Variants in MACROD2 observed in about 807,000 individuals in gnomAD.
MACROD2 encodes the protein ADP-ribose glycohydrolase MACROD2.
Under a neutral mutation model 70.4 loss-of-function variants are expected in MACROD2, and 36 were observed. The observed-to-expected ratio is 0.51, with a 90% CI of 0.39 to 0.68. The LOEUF (loss-of-function observed/expected upper bound fraction) is 0.68, where lower values mean the gene tolerates loss of function less well. MACROD2 is among the 30% of genes least tolerant of loss of function. The pLI is 0.00. For synonymous variants in MACROD2, 172 were observed against 178.8 expected (o/e 0.96, Z 0.30); for missense variants, 496 against 538.4 (o/e 0.92, Z 0.78).
chr20:15,397,501 A>G (rs1012139439), intron 6 of MACROD2, among the ~76,000 whole-genome samples: 3 of 152,036 alleles, frequency 2.0e-5, no homozygotes, highest in Admixed American at 6.6e-5. Flanking sequence ...GTTTTCACCA[A>G]GTTGCTCAGG....
intron 3 of MACROD2, among the ~76,000 whole-genome samples, chr20:14,274,895 C>T (rs1440976160): frequency 6.6e-6 from 1 of 150,888 alleles, no homozygotes; most frequent in Non-Finnish European, 1.5e-5. Context: ...CTCCCATTCA[C>T]AATTGCTTCA....
intron 2 of MACROD2, among the ~76,000 whole-genome samples, chr20:14,040,951 G>C (rs1233966886): frequency 6.6e-6 from 1 of 152,174 alleles, no homozygotes; most frequent in Admixed American, 6.5e-5. Context: ...AGAAAGTTAA[G>C]TTAGAAGGAG....
chr20:15,354,488 C>T (rs1174484892), intron 6 of MACROD2, among the ~76,000 whole-genome samples: 1 of 152,138 alleles, frequency 6.6e-6, no homozygotes, highest in Admixed American at 6.5e-5. Context: ...TACCCTAAAA[C>T]TTAAAGTATA....
intron 4 of MACROD2, among the ~76,000 whole-genome samples, chr20:14,616,946 A>T (rs1353939177): frequency 3.3e-5 from 5 of 152,144 alleles, no homozygotes; most frequent in Admixed American, 2.6e-4. Context: ...CCTTGGGAGA[A>T]AGTAATTGAA....
chr20:14,595,206 G>GC (rs1982042590), intron 4 of MACROD2, among the ~76,000 whole-genome samples: 1 of 152,122 alleles, frequency 6.6e-6, no homozygotes. Flanking sequence ...TCAGCTAAAA[G>GC]CCCGGGGGTC....
At chr20:14,781,574 A>G (rs932551286) in intron 5 of MACROD2, among the ~76,000 whole-genome samples, 22 of 150,910 alleles carry the variant, frequency 1.5e-4, no homozygotes, top group Non-Finnish European at 2.5e-4. Flanking sequence ...GGAAAGTGGT[A>G]CTTCAGTTAT....
At chr20:15,216,892 A>G (rs1033003334) in intron 5 of MACROD2, among the ~76,000 whole-genome samples, 3 of 152,296 alleles carry the variant, frequency 2.0e-5, no homozygotes, top group Admixed American at 2.0e-4. Context: ...TGTTTGACAC[A>G]CTATGTATTT....
chr20:14,516,240 T>C (rs1406688301), intron 4 of MACROD2, among the ~76,000 whole-genome samples: 2 of 151,938 alleles, frequency 1.3e-5, no homozygotes, highest in Non-Finnish European at 2.9e-5. Flanking sequence ...CAACATTTAA[T>C]TTTTAAAAAT....
chr20:14,507,056 G>A (rs1040026369), intron 4 of MACROD2, among the ~76,000 whole-genome samples: 1 of 152,164 alleles, frequency 6.6e-6, no homozygotes, highest in Non-Finnish European at 1.5e-5. Context: ...TCTGTGACTA[G>A]TATTCAGAGA....
intron 5 of MACROD2, among the ~76,000 whole-genome samples, chr20:15,102,974 T>C (rs2075884538): frequency 6.6e-6 from 1 of 152,104 alleles, no homozygotes; most frequent in Non-Finnish European, 1.5e-5. Context: ...TATAAAATGT[T>C]TAAAACATAC....
intron 3 of MACROD2, among the ~76,000 whole-genome samples, chr20:14,373,721 A>G (rs1600173298): frequency 1.3e-5 from 2 of 152,308 alleles, no homozygotes; most frequent in South Asian, 2.1e-4. Flanking sequence ...CACAGTTTCT[A>G]TGTGAAGTGC....
intron 3 of MACROD2, among the ~76,000 whole-genome samples, chr20:14,319,921 T>G (rs2082644150): frequency 6.6e-6 from 1 of 152,212 alleles, no homozygotes. Context: ...TACTCACCTC[T>G]TAGATGTGGT....
At position 15,063,169 on chromosome 20, in the gene MACROD2, C is replaced by A. The variant is rs193092594; in HGVS notation, c.419-166771C>A. Among the ~76,000 whole-genome samples, 63 of 152,234 alleles carry A rather than the reference C, an allele frequency of 4.1e-4. No homozygotes were observed. In the Middle Eastern group the frequency reaches 0.01, roughly 25 times the overall value. On this transcript the variant is annotated intron_variant, in intron 5 of 17. Coordinates refer to ENST00000684519, the MANE Select transcript of MACROD2 (RefSeq NM_001351661.2). ...GCTCCCAGCTCACAGGGCCATGAAC[C>A]ATGATACGCTGGAGTAAAGGAAGGA...
chr20:14,429,419 A>T (rs2083970315), intron 3 of MACROD2, among the ~76,000 whole-genome samples: 2 of 152,310 alleles, frequency 1.3e-5, no homozygotes, highest in Admixed American at 1.3e-4. Flanking sequence ...TGATAACCAT[A>T]TTCAGTATCT....
chr20:15,755,909 G>A (rs2051340739), intron 8 of MACROD2, among the ~76,000 whole-genome samples: 1 of 152,088 alleles, frequency 6.6e-6, no homozygotes, highest in African/African-American at 2.4e-5. Context: ...TCCTGTATTA[G>A]GTACCAGGAA....
intron 5 of MACROD2, among the ~76,000 whole-genome samples, chr20:15,069,294 A>G (rs1568558127): frequency 6.6e-6 from 1 of 152,220 alleles, no homozygotes; most frequent in Non-Finnish European, 1.5e-5. Flanking sequence ...ATTCAATGAG[A>G]AGCAGAGCTT....
At chr20:15,202,331 C>G (rs2145930186) in intron 5 of MACROD2, among the ~76,000 whole-genome samples, 1 of 152,130 alleles carries the variant, frequency 6.6e-6, no homozygotes, top group South Asian at 2.1e-4. Context: ...ATTCAATATC[C>G]CTTATATGAG....
chr20:15,398,066 G>C (rs1406114504), intron 6 of MACROD2, among the ~76,000 whole-genome samples: 1 of 152,074 alleles, frequency 6.6e-6, no homozygotes, highest in Non-Finnish European at 1.5e-5. Context: ...AAAGCAACAA[G>C]AAGGCTGAAT....
At chr20:15,256,224 T>C (rs1168703500) in intron 6 of MACROD2, among the ~76,000 whole-genome samples, 2 of 152,130 alleles carry the variant, frequency 1.3e-5, no homozygotes, top group African/African-American at 4.8e-5. Context: ...TTTGCAGCTC[T>C]TACTCTCCTC....
Sources: allele counts gnomAD v4.1 joint callset (sites outside exome capture counted in the v4.1 genomes callset), GRCh38; gene constraint gnomAD v4.1.1; transcripts MANE v1.5; gene names NCBI Gene and HGNC (gene_info 2026-07-23, HGNC 2026-07-21).